ADORA1: variants seen among roughly 807,000 people sequenced by gnomAD.
ADORA1 encodes the protein adenosine A1 receptor.
A neutral mutation model predicts 19.9 loss-of-function variants in ADORA1; 6 were observed. That is an observed-to-expected ratio of 0.30 (90% CI 0.17 to 0.59). The LOEUF is 0.59. Among genes scored for constraint, ADORA1 ranks in the 20% least tolerant of loss-of-function variants. The pLI, the probability that ADORA1 is intolerant of heterozygous loss-of-function variation, is 0.87. For synonymous variants in ADORA1, 194 were observed against 188.4 expected (o/e 1.03, Z -0.24); for missense variants, 302 against 439.2 (o/e 0.69, Z 2.79).
At chr1:203,135,474 C>T (rs987392894) in intron 3 of ADORA1, among the ~76,000 whole-genome samples, 5 of 152,018 alleles carry the variant, frequency 3.3e-5, no homozygotes, top group Non-Finnish European at 5.9e-5. Context: ...TCTTGGCCAG[C>T]ATGGTGAAAT....
chr1:203,154,417 T>A (rs527829867), intron 3 of ADORA1, among the ~76,000 whole-genome samples: 2 of 152,112 alleles, frequency 1.3e-5, no homozygotes, highest in African/African-American at 4.8e-5. Flanking sequence ...ATACCAGGAA[T>A]TGGTGATGAA....
chr1:203,166,004 G>C lies in ADORA1; in HGVS notation c.*104G>C. On this transcript the variant is annotated 3_prime_UTR_variant, in exon 4 of 4. Transcript: ENST00000337894. The stretch of plus-strand genomic sequence containing the variant: ...TCCCTGAGCCTGCCCCAGCTGGGCT[G>C]TTGGCTGGGGGCATGGGGGAGGCTC... The C allele has an allele frequency of 1.4e-6, 2 of 1,393,916 alleles. No individual in the cohort carries two copies. 86.3% of individuals were successfully genotyped at this position (1,393,916 alleles called of 1,614,324 possible). A position where few individuals can be genotyped will look rare whatever the true frequency, so the allele number is the denominator to read the frequency against.
At position 203,145,905 on chromosome 1, in the gene ADORA1, C is replaced by A. The variant is rs548540800; in HGVS notation, c.341+16723C>A. Among the ~76,000 whole-genome samples, 586 of 152,222 alleles carry A rather than the reference C, an allele frequency of 3.8e-3. 4 individuals are homozygous for A. The highest frequency in any genetic ancestry group is 6.9e-3 in the Non-Finnish European group (472 of 68,008). On this transcript the variant is annotated intron_variant, in intron 3 of 3. Transcript: ENST00000337894. ...CCTGCCAAGGCCTGAATTTGGCAAA[C>A]CCGGCCTTGGGGAAGCGGCTGTGGC...
intron 3 of ADORA1, among the ~76,000 whole-genome samples, chr1:203,156,237 G>T (rs1655195329): frequency 6.6e-6 from 1 of 152,068 alleles, no homozygotes; most frequent in South Asian, 2.1e-4. Context: ...GGGAAGAGAG[G>T]GTGTGAGAGA....
At chr1:203,138,470 G>C (rs1365182888) in intron 3 of ADORA1, among the ~76,000 whole-genome samples, 1 of 152,204 alleles carries the variant, frequency 6.6e-6, no homozygotes, top group Non-Finnish European at 1.5e-5. Flanking sequence ...ACCAGCAAAG[G>C]AGACTGAAGG....
chr1:203,156,300 A>G (rs1472176445), intron 3 of ADORA1, among the ~76,000 whole-genome samples: 1 of 152,204 alleles, frequency 6.6e-6, no homozygotes, highest in Admixed American at 6.5e-5. Flanking sequence ...AAATATGGCA[A>G]GAGGAGACAG....
intron 3 of ADORA1, among the ~76,000 whole-genome samples, chr1:203,135,478 G>A (rs907755221): frequency 1.3e-5 from 2 of 151,996 alleles, no homozygotes; most frequent in African/African-American, 2.4e-5. Flanking sequence ...GGCCAGCATG[G>A]TGAAATGCGT....
At chr1:203,136,748 A>G (rs1654523797) in intron 3 of ADORA1, among the ~76,000 whole-genome samples, 1 of 152,164 alleles carries the variant, frequency 6.6e-6, no homozygotes, top group Admixed American at 6.5e-5. Flanking sequence ...TTGTGTAGGA[A>G]AGGCTCTTTG....
rs1655524186 is a variant in ADORA1 at position 203,165,630 on chromosome 1, C to G, written c.711C>G (p.Ala237=). Residue 237 remains alanine (A), a synonymous_variant, in exon 4 of 4, where the codon GCC becomes GCG. Transcript: ENST00000337894. The surrounding 1 kb of genome is among the most constrained non-coding windows in gnomAD (Gnocchi z 5.9). ...GKELKIAKSL[A]LILFLFALSW... ...AGCTGAAGATCGCCAAGTCGCTGGC[C>G]CTCATCCTCTTCCTCTTTGCCCTCA... 1 of 1,612,216 alleles carries G rather than the reference C, an allele frequency of 6.2e-7. No homozygotes were observed. Among genetic ancestry groups the G allele is most frequent in the Non-Finnish European group, 8.5e-7 (1 of 1,178,550 alleles).
chr1:203,164,311 C>T (rs570659611), intron 3 of ADORA1, among the ~76,000 whole-genome samples: 2 of 152,338 alleles, frequency 1.3e-5, no homozygotes, highest in African/African-American at 2.4e-5. Context: ...TGTCTCTTCA[C>T]CCAAAATGTG....
intron 3 of ADORA1, among the ~76,000 whole-genome samples, chr1:203,134,610 C>A (rs997273053): frequency 6.6e-6 from 1 of 152,112 alleles, no homozygotes; most frequent in Non-Finnish European, 1.5e-5. Flanking sequence ...GGCCAGGATG[C>A]CTTTTACCCA....
intron 3 of ADORA1, chr1:203,150,500 C>A: frequency 1.3e-6 from 1 of 770,454 alleles, no homozygotes; most frequent in Non-Finnish European, 1.8e-6. Flanking sequence ...CAGGAGATAC[C>A]AGGAGGGTCA....
Position 203,128,424 on chromosome 1 carries a change from G to A in ADORA1, c.-66G>A. On this transcript the variant is annotated 5_prime_UTR_variant, in exon 2 of 4. Transcript: ENST00000337894. This position sits in a 1 kb window ranked among gnomAD's most constrained non-coding sequence, Gnocchi z 5.9. ...CCTCTGGGACCCCTGCCGGCCAGCAGGCAGGATGGTGAGCTCCCTGCATCC... is the reference window on the plus strand; with the variant it reads ...CCTCTGGGACCCCTGCCGGCCAGCAAGCAGGATGGTGAGCTCCCTGCATCC... The A allele has an allele frequency of 1.5e-6, 2 of 1,293,934 alleles. No homozygotes were observed. Among genetic ancestry groups the A allele is most frequent in the South Asian group, 1.2e-5 (1 of 81,044 alleles). 80.2% of individuals were successfully genotyped at this position (1,293,934 alleles called of 1,614,324 possible). A position where few individuals can be genotyped will look rare whatever the true frequency, so the allele number is the denominator to read the frequency against.
chr1:203,160,791 A>G (rs1234308856), intron 3 of ADORA1, among the ~76,000 whole-genome samples: 1 of 152,210 alleles, frequency 6.6e-6, no homozygotes, highest in Non-Finnish European at 1.5e-5. Context: ...AGCCTAGGAG[A>G]CAGAGTGAGA....
At chr1:203,152,312 C>T (rs1422939125) in intron 3 of ADORA1, among the ~76,000 whole-genome samples, 2 of 152,366 alleles carry the variant, frequency 1.3e-5, no homozygotes, top group East Asian at 3.9e-4. Flanking sequence ...CAGAATTCTG[C>T]TGCTTCCTGG....
intron 3 of ADORA1, among the ~76,000 whole-genome samples, chr1:203,147,245 T>A (rs1174214513): frequency 6.6e-6 from 1 of 152,208 alleles, no homozygotes; most frequent in Non-Finnish European, 1.5e-5. Context: ...GGTGTTGTGA[T>A]GGACTGCTAT....
At chr1:203,150,741 G>A (rs1558133790) in intron 3 of ADORA1, 2 of 1,289,836 alleles carry the variant, frequency 1.6e-6, no homozygotes, top group African/African-American at 3.0e-5. Flanking sequence ...GCGGAGCTGA[G>A]TGTGGGGGTG....
At chr1:203,149,034 A>C (rs1654949736) in intron 3 of ADORA1, among the ~76,000 whole-genome samples, 1 of 152,058 alleles carries the variant, frequency 6.6e-6, no homozygotes, top group Non-Finnish European at 1.5e-5. Context: ...CATGCCACCA[A>C]GACTGGCTAA....
chr1:203,157,544 G>A (rs1655234637), intron 3 of ADORA1, among the ~76,000 whole-genome samples: 2 of 152,238 alleles, frequency 1.3e-5, no homozygotes, highest in Admixed American at 1.3e-4. Flanking sequence ...TGTCTGGGCA[G>A]TGGCCTCACT....
Sources: gnomAD v4.1 joint callset for allele counts (sites outside exome capture counted in the v4.1 genomes callset) on GRCh38, gnomAD v4.1.1 for gene constraint, Gnocchi (gnomAD v3.1) non-coding constraint, MANE v1.5 for transcripts, NCBI Gene and HGNC (gene_info 2026-07-23, HGNC 2026-07-21) for gene names.